KDM6A: variants seen among roughly 807,000 people sequenced by gnomAD.
KDM6A encodes the protein lysine demethylase 6A.
Under a neutral mutation model 117.6 loss-of-function variants are expected in KDM6A, and 11 were observed. The observed-to-expected ratio is 0.09, with a 90% CI of 0.06 to 0.15. KDM6A has a LOEUF of 0.15. KDM6A is among the 10% of genes least tolerant of loss of function. KDM6A has a pLI of 1.00. For synonymous variants in KDM6A, 384 were observed against 396.1 expected, an observed-to-expected ratio of 0.97 and a Z score of 0.36; for missense variants, 799 against 1,077.3, an observed-to-expected ratio of 0.74 and a Z score of 3.62.
chrX:44,903,221 T>G (rs761565959), intron 2 of KDM6A, among the ~76,000 whole-genome samples: 2 of 112,213 alleles, frequency 1.8e-5, no homozygotes, highest in Admixed American at 1.9e-4. Context: ...AATTTCCCCT[T>G]TGTAATTAAG....
chrX:45,078,728 A>G (rs1277726958), intron 20 of KDM6A, among the ~76,000 whole-genome samples: 2 of 109,607 alleles, frequency 1.8e-5, no homozygotes, highest in African/African-American at 6.7e-5. Context: ...GTTACTGACA[A>G]TTTGGTGGAG....
chrX:44,927,096 C>T (rs916189828), intron 2 of KDM6A, among the ~76,000 whole-genome samples: 3 of 111,128 alleles, frequency 2.7e-5, no homozygotes, highest in African/African-American at 9.8e-5. Flanking sequence ...ACAGGGCTGC[C>T]TCCCACCCCC....
chrX:44,993,789 C>A (rs998226926), intron 4 of KDM6A, among the ~76,000 whole-genome samples: 1 of 111,009 alleles, frequency 9.0e-6, no homozygotes, highest in Non-Finnish European at 1.9e-5. Context: ...TAACTTGAAC[C>A]CAGGAGGCAG....
chrX:45,076,599 C>A, intron 18 of KDM6A, 98 bp from the exon 19 acceptor site: 1 of 605,898 alleles, frequency 1.7e-6, no homozygotes, highest in Non-Finnish European at 2.7e-6. Context: ...TGTGCAAATG[C>A]CTAGTAATTT....
chrX:45,048,436 G>A (rs983842672), intron 8 of KDM6A, among the ~76,000 whole-genome samples: 4 of 110,954 alleles, frequency 3.6e-5, no homozygotes, highest in Non-Finnish European at 7.5e-5. Context: ...AGTTCTTTTA[G>A]GCTGCTCATT....
chrX:44,981,013 A>T lies in KDM6A; in HGVS notation c.384+6298A>T, dbSNP rs751727966. ...CCTACTTCATGTTTTTATAATGAATAGTGTGAGGATATAGGAAAAAACTCA... is the reference window on the plus strand; with the variant it reads ...CCTACTTCATGTTTTTATAATGAATTGTGTGAGGATATAGGAAAAAACTCA... On this transcript the variant is annotated intron_variant, in intron 4 of 29. Transcript: ENST00000611820. Among the ~76,000 whole-genome samples, 10 of 111,205 alleles carry T rather than the reference A, an allele frequency of 9.0e-5. No individual in the cohort carries two copies. The East Asian group carries it at 2.8e-3, about 31-fold the overall frequency.
intron 8 of KDM6A, among the ~76,000 whole-genome samples, chrX:45,044,499 A>G (rs1018647566): frequency 1.8e-5 from 2 of 111,689 alleles, no homozygotes; most frequent in East Asian, 5.6e-4. Context: ...TCTTCCTTCC[A>G]CTTCCTCAGG....
At chrX:45,007,951 C>CT (rs2041580187) in intron 4 of KDM6A, among the ~76,000 whole-genome samples, 1 of 111,775 alleles carries the variant, frequency 8.9e-6, no homozygotes, top group Non-Finnish European at 1.9e-5. Context: ...TTGCATAAAA[C>CT]TAAGTTTTTA....
chrX:45,050,237 G>A (rs1294667369), intron 8 of KDM6A, among the ~76,000 whole-genome samples: 1 of 112,624 alleles, frequency 8.9e-6, no homozygotes, highest in Non-Finnish European at 1.9e-5. Context: ...TACTCGGGAG[G>A]CTGAGGCAGG....
intron 1 of KDM6A, 21 bp downstream of exon 1, chrX:44,873,733 C>T (rs2031105102): frequency 2.6e-6 from 3 of 1,162,523 alleles, no homozygotes; most frequent in African/African-American, 1.8e-5. Context: ...CCGTCACTCG[C>T]CCGGTCGGCT....
chrX:45,077,814 C>T (rs1156403814), intron 19 of KDM6A, among the ~76,000 whole-genome samples: 2 of 111,202 alleles, frequency 1.8e-5, no homozygotes, highest in African/African-American at 3.3e-5. Context: ...CCATCTTACC[C>T]ATTTCTGAGT....
rs189082691 is a variant in KDM6A at position 45,111,772 on chromosome X, T to C, written c.*361T>C. The C allele has an allele frequency of 8.0e-4, 157 of 197,010 alleles. No homozygotes were observed. The highest frequency in any genetic ancestry group is 4.1e-3 in the African/African-American group (142 of 34,556). The allele number at this position is 197,010 out of a possible 1,213,427, so 16.2% of individuals were successfully genotyped here. On this transcript the variant is annotated 3_prime_UTR_variant, in exon 30 of 30. Transcript: ENST00000611820. ...GTCTTTTCCCCCTTCAGAATTTTCC[T>C]TGGAAAAAAAATACTAGCCTAGCTG...
chrX:45,071,525 C>T (rs908294374), intron 18 of KDM6A, among the ~76,000 whole-genome samples: 21 of 111,236 alleles, frequency 1.9e-4, no homozygotes, highest in African/African-American at 5.6e-4. Flanking sequence ...TTGTCACTGA[C>T]GAATGATTGA....
chrX:45,005,421 A>T lies in KDM6A; in HGVS notation c.385-5540A>T, dbSNP rs2041388241. Among the ~76,000 whole-genome samples the T allele has an allele frequency of 4.5e-5, 5 of 111,000 alleles. No homozygotes were observed. In the South Asian group the frequency reaches 1.9e-3, roughly 43 times the overall value. On this transcript the variant is annotated intron_variant, in intron 4 of 29. Coordinates refer to ENST00000611820, the MANE Select transcript of KDM6A (RefSeq NM_001291415.2). ...TTCTTCCCTATTTGTTTTTAAGGGA[A>T]AAAGGAGGGCAGGTCCATGCCTCCA...
intron 2 of KDM6A, among the ~76,000 whole-genome samples, chrX:44,912,383 C>T (rs1042815646): frequency 2.7e-5 from 3 of 111,976 alleles, no homozygotes; most frequent in Non-Finnish European, 5.6e-5. Flanking sequence ...GCCACTGTTC[C>T]TGGCCTTTTC....
chrX:44,943,312 AAAAG>A (rs1464513954), intron 2 of KDM6A, among the ~76,000 whole-genome samples: 1 of 111,108 alleles, frequency 9.0e-6, no homozygotes, highest in Non-Finnish European at 1.9e-5. Flanking sequence ...CATTACATCT[AAAAG>A]AAGTGTATAC....
At position 45,111,938 on chromosome X, in the gene KDM6A, G is replaced by T; in HGVS notation, c.*527G>T. The T allele has an allele frequency of 5.9e-6, 1 of 170,723 alleles. No homozygotes were observed. The highest frequency in any genetic ancestry group is 1.1e-5 in the Non-Finnish European group (1 of 88,978). The allele number at this position is 170,723 out of a possible 1,213,427, so 14.1% of individuals were successfully genotyped here. On this transcript the variant is annotated 3_prime_UTR_variant, in exon 30 of 30. Transcript: ENST00000611820. ...TTGAGACCATGATGGTTACACTTTT[G>T]GTTCCTAAATAAAATTTAAAAAATT...
chrX:45,086,454 G>A (rs2148172638), intron 25 of KDM6A, among the ~76,000 whole-genome samples: 1 of 111,508 alleles, frequency 9.0e-6, no homozygotes, highest in Non-Finnish European at 1.9e-5. Flanking sequence ...TTTATAAAAT[G>A]TATTATTTAT....
chrX:44,912,363 A>G (rs2035262780), intron 2 of KDM6A, among the ~76,000 whole-genome samples: 1 of 111,727 alleles, frequency 9.0e-6, no homozygotes, highest in Non-Finnish European at 1.9e-5. Flanking sequence ...TGCTGGAACT[A>G]CAGGCATGAG....
Sources: allele counts gnomAD v4.1 joint callset (sites outside exome capture counted in the v4.1 genomes callset), GRCh38; gene constraint gnomAD v4.1.1; transcripts MANE v1.5; gene names NCBI Gene and HGNC (gene_info 2026-07-23, HGNC 2026-07-21).